ACOT6: variants seen among roughly 807,000 people sequenced by gnomAD.
ACOT6 encodes the protein acyl-CoA thioesterase 6.
ACOT6 carries 14 observed loss-of-function variants against 12.3 expected under a neutral mutation model. The observed-to-expected ratio is 1.14, with a 90% CI of 0.75 to 1.78. The LOEUF (loss-of-function observed/expected upper bound fraction) is 1.78. Ranked by LOEUF, ACOT6 falls within the 40% of genes most tolerant of loss-of-function variation. ACOT6 has a pLI of 0.00. For synonymous variants in ACOT6, 218 were observed against 231.3 expected (o/e 0.94, Z 0.52); for missense variants, 523 against 551.8 (o/e 0.95, Z 0.52).
chr14:73,617,241 T>C, intron 2 of ACOT6, 49 bp downstream of exon 2: 1 of 1,612,918 alleles, frequency 6.2e-7, no homozygotes, highest in Non-Finnish European at 8.5e-7. Flanking sequence ...ATAGAGCTGA[T>C]GCAGGGCTGA....
chr14:73,614,712 A>C (rs978454777), intron 1 of ACOT6, among the ~76,000 whole-genome samples: 1 of 148,594 alleles, frequency 6.7e-6, no homozygotes, highest in Non-Finnish European at 1.5e-5. Context: ...GCGCCACTAC[A>C]CTTCAGCCTG....
In ACOT6 at chr14:73,614,026, C is replaced by CAAAAAAA. The variant is rs59411143; in HGVS notation, c.461+1013_461+1019dup. Among the ~76,000 whole-genome samples the CAAAAAAA allele has an allele frequency of 2.4e-4, 22 of 92,952 alleles. 1 individual carries two copies. The highest frequency in any genetic ancestry group is 3.6e-4 in the Non-Finnish European group (17 of 46,998). The allele number at this position is 92,952 out of a possible 152,430, so 61.0% of individuals were successfully genotyped here. A position where few individuals can be genotyped will look rare whatever the true frequency, so the allele number is the denominator to read the frequency against. On this transcript the variant is annotated intron_variant, in intron 1 of 2. Coordinates refer to ENST00000645972, the MANE Select transcript of ACOT6 (RefSeq NM_001365788.1). Reference sequence around the variant, plus strand: ...GCAACATGGTGAAACTCTGTCTCTACAAAAAAAAAAAAAAAAAAAAAAAAA... The same window carrying CAAAAAAA: ...GCAACATGGTGAAACTCTGTCTCTACAAAAAAAAAAAAAAAAAAAAAAAAAAAAAAAA...
chr14:73,612,999 C>A lies in ACOT6; in HGVS notation c.428C>A (p.Pro143Gln). 2 of 986,210 alleles carry A rather than the reference C, an allele frequency of 2.0e-6. No homozygotes were observed. The highest frequency in any genetic ancestry group is 2.8e-6 in the Non-Finnish European group (2 of 719,654). The allele number at this position is 986,210 out of a possible 1,614,324, so 61.1% of individuals were successfully genotyped here. Residue 143 changes from proline (P) to glutamine (Q), a missense_variant, in exon 1 of 3, where the codon CCG (proline) becomes CAG (glutamine). By Grantham distance (76) the Pro-to-Gln change is moderately conservative. Around this residue, in one of 2 missense-constraint regions of ACOT6, gnomAD observed 304 missense variants for 274.8 expected, o/e 1.11. Transcript: ENST00000645972. ...CGGCGCGAGCCGGTGCGCGCGGGCC[C>A]GGTGCGCGCCGCGCTCTTCCTGCCG... ...GVRREPVRAG[P>Q]VRAALFLPPD...
intron 1 of ACOT6, among the ~76,000 whole-genome samples, chr14:73,616,313 A>T (rs775690076): frequency 2.0e-4 from 31 of 151,610 alleles, no homozygotes; most frequent in Admixed American, 4.0e-4. Context: ...TGTGAAAATA[A>T]TATTATTATT....
intron 1 of ACOT6, among the ~76,000 whole-genome samples, chr14:73,614,026 C>CAAAAAAAAA (rs59411143): frequency 1.1e-5 from 1 of 92,964 alleles, no homozygotes; most frequent in African/African-American, 4.1e-5. Flanking sequence ...TCTGTCTCTA[C>CAAAAAAAAA]AAAAAAAAAA....
At chr14:73,615,154 A>C (rs1173011939) in intron 1 of ACOT6, among the ~76,000 whole-genome samples, 1 of 150,632 alleles carries the variant, frequency 6.6e-6, no homozygotes, top group Non-Finnish European at 1.5e-5. Context: ...TTGGGAGGCC[A>C]AGGTGGGTGG....
At chr14:73,615,412 AAAC>A (rs778429943) in intron 1 of ACOT6, among the ~76,000 whole-genome samples, 1,675 of 80,906 alleles carry the variant, frequency 0.021, 242 homozygotes, top group African/African-American at 0.041. Context: ...AAAAAACAAA[AAAC>A]AAAAAAAACC....
chr14:73,619,881 T>A lies in ACOT6; in HGVS notation c.*42T>A, dbSNP rs758374953. 10 of 1,515,356 alleles carry A rather than the reference T, an allele frequency of 6.6e-6. No individual in the cohort carries two copies. The highest frequency in any genetic ancestry group is 8.8e-6 in the Non-Finnish European group (10 of 1,141,878). 93.9% of individuals were successfully genotyped at this position (1,515,356 alleles called of 1,614,324 possible). ...CAGATACCATTAATAAAAATCCTAT[T>A]CATACAACTTGTGTTGGGTTTTCTT... On this transcript the variant is annotated 3_prime_UTR_variant, in exon 3 of 3. Coordinates refer to ENST00000645972, the MANE Select transcript of ACOT6 (RefSeq NM_001365788.1).
intron 2 of ACOT6, among the ~76,000 whole-genome samples, chr14:73,618,905 C>A (rs193128036): frequency 4.3e-4 from 65 of 152,208 alleles, no homozygotes; most frequent in Middle Eastern, 3.4e-3. Flanking sequence ...CCAAGGCAGG[C>A]GGATCACTTG....
At chr14:73,616,752 G>A (rs10136341) in intron 1 of ACOT6, 175,789 of 346,708 alleles carry the variant, frequency 0.51, 47,270 homozygotes, top group East Asian at 0.88. Context: ...GGGGTTACAC[G>A]GATGAACTGT....
chr14:73,619,749 A>G lies in ACOT6; in HGVS notation c.1176A>G (p.Ser392=). The change falls in exon 3 of 3, where the codon TCA becomes TCG. Residue 392 remains serine, a synonymous_variant. Coordinates refer to ENST00000645972, the MANE Select transcript of ACOT6 (RefSeq NM_001365788.1). ...IFYGGEPKAH[S]KAQVDAWQQI... ...ATGGAGGTGAGCCAAAGGCTCACTC[A>G]AAGGCACAGGTAGATGCCTGGCAGC... 6.2e-7 allele frequency: 1 copy of G among 1,613,946 alleles called. No individual in the cohort carries two copies. The highest frequency in any genetic ancestry group is 1.1e-5 in the South Asian group (1 of 91,016).
chr14:73,614,825 A>C (rs1478963537), intron 1 of ACOT6, among the ~76,000 whole-genome samples: 1 of 151,142 alleles, frequency 6.6e-6, no homozygotes, highest in Non-Finnish European at 1.5e-5. Flanking sequence ...AGCCGGGCGC[A>C]GTGGCTCACG....
intron 1 of ACOT6, among the ~76,000 whole-genome samples, chr14:73,615,388 T>TA (rs1160138803): frequency 0.038 from 2,393 of 63,152 alleles, 200 homozygotes; most frequent in African/African-American, 0.11. Flanking sequence ...CTCTGTCTGA[T>TA]AAAAAAAAAA....
chr14:73,613,337 A>T (rs1385817359), intron 1 of ACOT6, among the ~76,000 whole-genome samples: 2 of 152,126 alleles, frequency 1.3e-5, no homozygotes, highest in African/African-American at 4.8e-5. Flanking sequence ...CTATGTGCTG[A>T]ATAGTGCATT....
At position 73,612,824 on chromosome 14, in the gene ACOT6, G is replaced by A; in HGVS notation, c.253G>A (p.Glu85Lys). The change falls in exon 1 of 3, where the codon GAG (glutamate) becomes AAG (lysine). Residue 85 changes from glutamate to lysine, a missense_variant. Glu to Lys is a moderately conservative substitution (Grantham distance 56). Transcript: ENST00000645972. ...LQPMGLLWAL[E>K]PEKALVRLVK... ...GCCCATGGGGCTGCTGTGGGCGTTG[G>A]AGCCCGAGAAAGCCTTGGTGCGGCT... is the stretch of plus-strand genomic sequence containing the variant. 2.1e-6 allele frequency: 3 copies of A among 1,425,042 alleles called. No individual in the cohort carries two copies. Among genetic ancestry groups the A allele is most frequent in the Middle Eastern group, 2.5e-4 (1 of 4,050 alleles). The allele number at this position is 1,425,042 out of a possible 1,614,324, so 88.3% of individuals were successfully genotyped here.
chr14:73,612,775 G>A lies in ACOT6; in HGVS notation c.204G>A (p.Leu68=), dbSNP rs1435325649. 1.5e-6 allele frequency: 2 copies of A among 1,368,834 alleles called. No homozygotes were observed. The highest frequency in any genetic ancestry group is 1.9e-6 in the Non-Finnish European group (2 of 1,066,660). 84.8% of individuals were successfully genotyped at this position (1,368,834 alleles called of 1,614,324 possible). The change falls in exon 1 of 3, where the codon CTG becomes CTA. Residue 68 remains leucine (L), a synonymous_variant. Coordinates refer to ENST00000645972, the MANE Select transcript of ACOT6 (RefSeq NM_001365788.1). ...TGGACCTGGAGCGCGCGCCCGCGCTGGGAGGCAGCTTCGCGGGGCTCCAGC... is the reference window on the plus strand; with the variant it reads ...TGGACCTGGAGCGCGCGCCCGCGCTAGGAGGCAGCTTCGCGGGGCTCCAGC... The part of the protein sequence containing the change: ...DELDLERAPA[L]GGSFAGLQPM...
chr14:73,612,643 C>T lies in ACOT6; in HGVS notation c.72C>T (p.Arg24=). The T allele has an allele frequency of 2.9e-6, 4 of 1,402,082 alleles. No homozygotes were observed. In the South Asian group the frequency reaches 6.0e-5, roughly 21 times the overall value. The allele number at this position is 1,402,082 out of a possible 1,614,324, so 86.9% of individuals were successfully genotyped here. A position where few individuals can be genotyped will look rare whatever the true frequency, so the allele number is the denominator to read the frequency against. The change falls in exon 1 of 3, where the codon CGC becomes CGT. Residue 24 remains arginine, a synonymous_variant. Coordinates refer to ENST00000645972, the MANE Select transcript of ACOT6 (RefSeq NM_001365788.1). Reference sequence around the variant, plus strand: ...ACGAGCCGCTGCGCATCGCAGTGCGCGGCCTGGCCCCGGAGCAGCCAGTCA... The same window carrying T: ...ACGAGCCGCTGCGCATCGCAGTGCGTGGCCTGGCCCCGGAGCAGCCAGTCA... The part of the protein sequence containing the change: ...CWDEPLRIAV[R]GLAPEQPVTL...
At chr14:73,612,031 A>C (rs1890451793), upstream of ACOT6, among the ~76,000 whole-genome samples, 1 of 151,670 alleles carries the variant, frequency 6.6e-6, no homozygotes, top group South Asian at 2.1e-4. Context: ...GATTGCAGGA[A>C]TAGTCATTAA....
chr14:73,617,372 T>C (rs1275027255), intron 2 of ACOT6, among the ~76,000 whole-genome samples, 180 bp downstream of exon 2: 1 of 152,132 alleles, frequency 6.6e-6, no homozygotes, highest in African/African-American at 2.4e-5. Flanking sequence ...CCCAGCTACC[T>C]GGGAGGCTGA....
Sources: allele counts gnomAD v4.1 joint callset (sites outside exome capture counted in the v4.1 genomes callset), GRCh38; gene constraint gnomAD v4.1.1; regional missense constraint gnomAD v4.1.1; transcripts MANE v1.5; gene names NCBI Gene and HGNC (gene_info 2026-07-23, HGNC 2026-07-21).